Variants in CFAP20DC observed in about 807,000 individuals in gnomAD.
CFAP20DC encodes the protein protein CFAP20DC.
CFAP20DC carries 84 observed loss-of-function variants against 101.7 expected under a neutral mutation model. That is an observed-to-expected ratio of 0.83 (90% CI 0.69 to 0.99). The LOEUF is 0.99. Ranked by LOEUF, CFAP20DC falls within the 50% of genes least tolerant of loss-of-function variation. The pLI is 0.00. For synonymous variants in CFAP20DC, 359 were observed against 351.2 expected (o/e 1.02, Z -0.25); for missense variants, 1,007 against 970.3 (o/e 1.04, Z -0.50).
rs1487725237 is a variant in CFAP20DC at position 59,014,016 on chromosome 3, A to G, written c.278+25541T>C. 6.6e-6 allele frequency among the ~76,000 whole-genome samples: 1 copy of G among 152,194 alleles called. No homozygotes were observed. The highest frequency in any genetic ancestry group is 2.4e-5 in the African/African-American group (1 of 41,450). ...TCACTGTCTTCTACTTCTTGCCACT[A>G]AACAACATATCAGCTTGCTTTTCTA... On this transcript the variant is annotated intron_variant, in intron 4 of 16. Coordinates refer to ENST00000482387, the MANE Select transcript of CFAP20DC (RefSeq NM_001394063.1). The surrounding 1 kb of genome is among the most constrained non-coding windows in gnomAD (Gnocchi z 4.9).
chr3:58,761,588 G>C (rs558811277), intron 15 of CFAP20DC, among the ~76,000 whole-genome samples: 4 of 152,190 alleles, frequency 2.6e-5, no homozygotes, highest in Admixed American at 2.6e-4. Context: ...GCTTTTGAAT[G>C]TGTTTGCTCT....
chr3:58,955,508 A>G (rs2090547129), intron 4 of CFAP20DC, among the ~76,000 whole-genome samples: 1 of 152,116 alleles, frequency 6.6e-6, no homozygotes, highest in South Asian at 2.1e-4. Flanking sequence ...CCACAGAGGG[A>G]GCATTTAAAC....
At chr3:58,818,240 C>G (rs1409987935) in intron 14 of CFAP20DC, among the ~76,000 whole-genome samples, 1 of 151,538 alleles carries the variant, frequency 6.6e-6, no homozygotes, top group Non-Finnish European at 1.5e-5. Context: ...GACTAATGAG[C>G]AAAATCACCA....
chr3:58,959,445 T>C (rs74504660), intron 4 of CFAP20DC, among the ~76,000 whole-genome samples: 2,435 of 152,338 alleles, frequency 0.016, 64 homozygotes, highest in African/African-American at 0.055. Flanking sequence ...TTGTTTACAG[T>C]GTGAGGCAAG....
At chr3:58,866,201 C>G (rs2079672981) in intron 11 of CFAP20DC, among the ~76,000 whole-genome samples, 1 of 152,186 alleles carries the variant, frequency 6.6e-6, no homozygotes. Flanking sequence ...TAGCACACAC[C>G]TGCTAGGCAA....
intron 5 of CFAP20DC, among the ~76,000 whole-genome samples, chr3:58,931,669 G>A (rs1221401564): frequency 6.6e-6 from 1 of 152,194 alleles, no homozygotes; most frequent in Non-Finnish European, 1.5e-5. Context: ...AATAGGGTCT[G>A]GAGTGGACCT....
At position 58,945,841 on chromosome 3, in the gene CFAP20DC, C is replaced by T. The variant is rs762317090; in HGVS notation, c.279-8079G>A. ...CCTCCCCAGTAACTAGGACTACAGG[C>T]GCACACCACCATACCCAGCTAATTT... On this transcript the variant is annotated intron_variant, in intron 4 of 16. Coordinates refer to ENST00000482387, the MANE Select transcript of CFAP20DC (RefSeq NM_001394063.1). Among the ~76,000 whole-genome samples, 123 of 151,694 alleles carry T rather than the reference C, an allele frequency of 8.1e-4. 1 individual carries two copies. Among genetic ancestry groups the T allele is most frequent in the Non-Finnish European group, 1.6e-4 (11 of 67,924 alleles).
Position 59,039,549 on chromosome 3 carries a change from T to C in CFAP20DC, c.278+8A>G, listed in dbSNP as rs775012446. ...ACAAAACATTCAAAGAAGTTCTGTA[T>C]ATCTTACAGCAATTCAGTGGAGAAG... On this transcript the variant is annotated splice_region_variant and intron_variant, in intron 4 of 16. Coordinates refer to ENST00000482387, the MANE Select transcript of CFAP20DC (RefSeq NM_001394063.1). The C allele has an allele frequency of 1.3e-6, 2 of 1,486,130 alleles. No homozygotes were observed. The highest frequency in any genetic ancestry group is 1.2e-5 in the South Asian group (1 of 81,948). 92.1% of individuals were successfully genotyped at this position (1,486,130 alleles called of 1,614,324 possible).
At chr3:58,814,262 G>T (rs1158981873) in intron 14 of CFAP20DC, among the ~76,000 whole-genome samples, 2 of 151,850 alleles carry the variant, frequency 1.3e-5, no homozygotes, top group African/African-American at 4.9e-5. Context: ...TTGGAAAATA[G>T]AAGTGGTTAC....
In CFAP20DC at chr3:58,890,285, C is replaced by T. The variant is rs576047238; in HGVS notation, c.551-5576G>A. On this transcript the variant is annotated intron_variant, in intron 6 of 16. Coordinates refer to ENST00000482387, the MANE Select transcript of CFAP20DC (RefSeq NM_001394063.1). Reference sequence around the variant, plus strand: ...GCAGAGGCACCCCTCACCTCCCGGACGGGGCGGCTGTCCGGGCGGGGGGCT... The same window carrying T: ...GCAGAGGCACCCCTCACCTCCCGGATGGGGCGGCTGTCCGGGCGGGGGGCT... 8.4e-4 allele frequency among the ~76,000 whole-genome samples: 125 copies of T among 148,238 alleles called. 1 individual carries two copies. Among genetic ancestry groups the T allele is most frequent in the Non-Finnish European group, 5.6e-4 (37 of 66,498 alleles).
intron 6 of CFAP20DC, among the ~76,000 whole-genome samples, chr3:58,900,220 C>T (rs1412213407): frequency 1.3e-5 from 2 of 152,100 alleles, no homozygotes; most frequent in Admixed American, 6.5e-5. Flanking sequence ...GGATTGTTAG[C>T]CTGGAAGTGA....
chr3:58,988,195 CAT>C (rs965406776), intron 4 of CFAP20DC, among the ~76,000 whole-genome samples: 2 of 151,946 alleles, frequency 1.3e-5, no homozygotes, highest in African/African-American at 4.8e-5. Context: ...AAATCAAAAA[CAT>C]ATGATCAACT....
At chr3:58,835,158 A>C (rs1260889402) in intron 13 of CFAP20DC, among the ~76,000 whole-genome samples, 1 of 152,176 alleles carries the variant, frequency 6.6e-6, no homozygotes, top group African/African-American at 2.4e-5. Context: ...AAAGAAAACA[A>C]GACATACTTC....
intron 5 of CFAP20DC, among the ~76,000 whole-genome samples, chr3:58,933,194 A>C (rs1443951585): frequency 2.6e-5 from 4 of 152,102 alleles, no homozygotes; most frequent in Non-Finnish European, 5.9e-5. Context: ...CATAATGGTA[A>C]AGGGATCAAT....
chr3:58,759,850 T>C (rs951834114), intron 15 of CFAP20DC, among the ~76,000 whole-genome samples: 7 of 152,218 alleles, frequency 4.6e-5, no homozygotes, highest in South Asian at 2.1e-4. Flanking sequence ...GTTGTAGATA[T>C]GCGGCATTAT....
intron 6 of CFAP20DC, among the ~76,000 whole-genome samples, chr3:58,910,289 A>G (rs1381080131): frequency 6.6e-6 from 1 of 152,090 alleles, no homozygotes; most frequent in Non-Finnish European, 1.5e-5. Context: ...TTTTGTGGAG[A>G]ATATCTTCGA....
chr3:59,042,327 T>C (rs954178576), intron 3 of CFAP20DC, among the ~76,000 whole-genome samples: 2 of 151,952 alleles, frequency 1.3e-5, no homozygotes, highest in African/African-American at 2.4e-5. Context: ...AAACCAATTA[T>C]GTGGGGTCTT....
chr3:58,820,986 G>A lies in CFAP20DC; in HGVS notation c.2175+10700C>T, dbSNP rs548087924. ...ACAGAATAGAGCCCTCAGAAATAACGCCACATATCTACAATTATCTGATCT... is the reference window on the plus strand; with the variant it reads ...ACAGAATAGAGCCCTCAGAAATAACACCACATATCTACAATTATCTGATCT... On this transcript the variant is annotated intron_variant, in intron 14 of 16. Transcript: ENST00000482387. Among the ~76,000 whole-genome samples the A allele has an allele frequency of 1.5e-4, 23 of 151,338 alleles. No individual in the cohort carries two copies. The South Asian group carries it at 3.2e-3, about 21-fold the overall frequency.
chr3:58,843,853 A>G (rs1484843907), intron 13 of CFAP20DC, among the ~76,000 whole-genome samples: 2 of 137,122 alleles, frequency 1.5e-5, no homozygotes, highest in Admixed American at 7.4e-5. Flanking sequence ...AGTGGGGGCC[A>G]ATATTCAACA....
Sources: gnomAD v4.1 joint callset for allele counts (sites outside exome capture counted in the v4.1 genomes callset) on GRCh38, gnomAD v4.1.1 for gene constraint, Gnocchi (gnomAD v3.1) non-coding constraint, MANE v1.5 for transcripts, NCBI Gene and HGNC (gene_info 2026-07-23, HGNC 2026-07-21) for gene names.